Variants in CYP19A1 observed in about 807,000 individuals in gnomAD.
The protein encoded by CYP19A1 is cytochrome P450 family 19 subfamily A member 1.
Under a neutral mutation model 44.4 loss-of-function variants are expected in CYP19A1, and 32 were observed. The ratio of observed to expected loss-of-function variants is 0.72; its 90% CI spans 0.54 to 0.97. The LOEUF (loss-of-function observed/expected upper bound fraction) is 0.97, where lower values mean the gene tolerates loss of function less well. Among genes scored for constraint, CYP19A1 ranks in the 50% least tolerant of loss-of-function variants. The probability of loss-of-function intolerance (pLI) is 0.00; values close to 1 mark genes in which losing one functional copy is unlikely to be tolerated. For missense variants in CYP19A1, 598 were observed against 637.8 expected (o/e 0.94, Z 0.67); for synonymous variants, 212 against 215.6 (o/e 0.98, Z 0.14).
intron 1 of CYP19A1, among the ~76,000 whole-genome samples, chr15:51,326,715 A>T (rs773415483): frequency 2.0e-5 from 3 of 152,194 alleles, no homozygotes; most frequent in Non-Finnish European, 4.4e-5. Context: ...ACCTGGAAGA[A>T]ACCTTAATAT....
chr15:51,229,719 T>C (rs1013130401), intron 3 of CYP19A1, among the ~76,000 whole-genome samples: 1 of 152,144 alleles, frequency 6.6e-6, no homozygotes, highest in African/African-American at 2.4e-5. Flanking sequence ...TTTACTTACC[T>C]TCCCCTCCAT....
intron 1 of CYP19A1, among the ~76,000 whole-genome samples, chr15:51,261,503 G>C (rs1014153765): frequency 6.6e-6 from 1 of 152,140 alleles, no homozygotes; most frequent in African/African-American, 2.4e-5. Flanking sequence ...TAATGCTTTT[G>C]GTCAGTTAAT....
intron 2 of CYP19A1, among the ~76,000 whole-genome samples, chr15:51,239,858 T>TC (rs1454612482): frequency 1.3e-5 from 2 of 152,030 alleles, no homozygotes; most frequent in Non-Finnish European, 2.9e-5. Flanking sequence ...CATGCTTTTC[T>TC]CCCCCCTAGT....
intron 3 of CYP19A1, among the ~76,000 whole-genome samples, chr15:51,234,987 G>C (rs2033293551): frequency 6.6e-6 from 1 of 152,086 alleles, no homozygotes; most frequent in South Asian, 2.1e-4. Context: ...AGGTGATGGG[G>C]AAGGCAGACC....
At chr15:51,326,213 G>C (rs1441195219) in intron 1 of CYP19A1, among the ~76,000 whole-genome samples, 2 of 152,144 alleles carry the variant, frequency 1.3e-5, no homozygotes, top group Non-Finnish European at 2.9e-5. Flanking sequence ...AAACCAGATT[G>C]CCACAGAGTA....
At chr15:51,235,996 A>G (rs1246897239) in intron 3 of CYP19A1, among the ~76,000 whole-genome samples, 1 of 152,232 alleles carries the variant, frequency 6.6e-6, no homozygotes, top group Admixed American at 6.5e-5. Context: ...AAGATCAATA[A>G]ACAAGAAAAC....
rs573037570 is a variant in CYP19A1 at position 51,304,481 on chromosome 15, AT to A, written c.-39+34013del. Among the ~76,000 whole-genome samples the A allele has an allele frequency of 9.9e-4, 151 of 151,952 alleles. 2 individuals are homozygous for A. The highest frequency in any genetic ancestry group is 3.4e-3 in the African/African-American group (142 of 41,424). ...TTTCCAGAGATAAAACTCTCTCCCT[AT>A]TTTTTTCCAACCCAAGCCCACTCCC... is the stretch of plus-strand genomic sequence containing the variant. On this transcript the variant is annotated intron_variant, in intron 1 of 9. Transcript: ENST00000396402.
rs2289105 is a variant in CYP19A1, at chr15:51,215,311, T to C, written c.859-79A>G. ...AATGAGGGGAGGTGACACTCAAGGA[T>C]CAACAACCTCAACAAAATGAAATCA... On this transcript the variant is annotated intron_variant, in intron 7 of 9. Coordinates refer to ENST00000396402, the MANE Select transcript of CYP19A1 (RefSeq NM_000103.4). The C allele has an allele frequency of 0.5, 793,879 of 1,593,508 alleles. 202,918 individuals carry two copies. The highest frequency in any genetic ancestry group is 0.53 in the Non-Finnish European group (618,118 of 1,165,508).
At chr15:51,317,067 C>T (rs2036439505) in intron 1 of CYP19A1, among the ~76,000 whole-genome samples, 1 of 151,222 alleles carries the variant, frequency 6.6e-6, no homozygotes, top group African/African-American at 2.4e-5. Context: ...GGCTACCCTC[C>T]TTTTAGGATT....
At chr15:51,234,985 G>A (rs1459817867) in intron 3 of CYP19A1, among the ~76,000 whole-genome samples, 1 of 152,054 alleles carries the variant, frequency 6.6e-6, no homozygotes, top group East Asian at 1.9e-4. Flanking sequence ...AGAGGTGATG[G>A]GGAAGGCAGA....
intron 2 of CYP19A1, 132 bp from the exon 3 acceptor site, chr15:51,237,141 T>C (rs948728663): frequency 1.9e-6 from 2 of 1,040,450 alleles, no homozygotes; most frequent in African/African-American, 3.3e-5. Flanking sequence ...GAATCACGAA[T>C]AAAGTGATTT....
Position 51,208,376 on chromosome 15 carries a change from C to T in CYP19A1, c.*2432G>A, listed in dbSNP as rs2030587616. ...CAAAGATATAGAAGGGTACAATTGT[C>T]CTTACAATTTGATAATGATAGAGCC... On this transcript the variant is annotated 3_prime_UTR_variant, in exon 10 of 10. Coordinates refer to ENST00000396402, the MANE Select transcript of CYP19A1 (RefSeq NM_000103.4). 1 of 151,950 alleles carries T rather than the reference C, an allele frequency of 6.6e-6. No homozygotes were observed. The allele number at this position is 151,950 out of a possible 1,614,324, so 9.4% of individuals were successfully genotyped here. A position where few individuals can be genotyped will look rare whatever the true frequency, so the allele number is the denominator to read the frequency against.
intron 1 of CYP19A1, among the ~76,000 whole-genome samples, chr15:51,283,906 A>G (rs548048154): frequency 6.6e-4 from 101 of 152,346 alleles, no homozygotes; most frequent in Middle Eastern, 3.4e-3. Context: ...TTGCAGCACA[A>G]TTACCATCTC....
intron 1 of CYP19A1, chr15:51,293,472 A>G (rs372303065): frequency 6.6e-6 from 1 of 152,228 alleles, no homozygotes; most frequent in African/African-American, 2.4e-5. Flanking sequence ...CAAATCAGAC[A>G]CTGTTGCCAT....
intron 1 of CYP19A1, among the ~76,000 whole-genome samples, chr15:51,279,325 AG>A (rs2035434692): frequency 6.6e-6 from 1 of 152,178 alleles, no homozygotes; most frequent in South Asian, 2.1e-4. Context: ...AGGAGAGGCA[AG>A]GTGAGGCCTG....
chr15:51,313,238 T>C (rs1213921031), intron 1 of CYP19A1: 2 of 152,256 alleles, frequency 1.3e-5, no homozygotes, highest in Non-Finnish European at 2.9e-5. Flanking sequence ...TGCAAGGGAA[T>C]AGGCCTTCTC....
intron 1 of CYP19A1, among the ~76,000 whole-genome samples, chr15:51,287,543 G>A (rs926084936): frequency 7.2e-5 from 11 of 152,166 alleles, no homozygotes; most frequent in Admixed American, 5.2e-4. Flanking sequence ...CATTGGTATC[G>A]CTGCTGTGCA....
rs28703085 is a variant in CYP19A1, at chr15:51,282,137, C to T, written c.-38-39187G>A. Among the ~76,000 whole-genome samples the T allele has an allele frequency of 8.2e-3, 1,249 of 152,280 alleles. 16 individuals are homozygous for T. The highest frequency in any genetic ancestry group is 0.029 in the African/African-American group (1,190 of 41,542). ...GAGGCTGGAGTAAAGGAGCAGCAGACCTCCAGACACATGATGATAGTTACC... is the reference window on the plus strand; with the variant it reads ...GAGGCTGGAGTAAAGGAGCAGCAGATCTCCAGACACATGATGATAGTTACC... On this transcript the variant is annotated intron_variant, in intron 1 of 9. Transcript: ENST00000396402.
In CYP19A1 at chr15:51,209,943, T is replaced by G. The variant is rs2030768029; in HGVS notation, c.*865A>C. The stretch of plus-strand genomic sequence containing the variant: ...ACAGTTATCTCTTGGTTAGCCACAC[T>G]AATTGAGCTAAGCAAAAATGGGAAC... On this transcript the variant is annotated 3_prime_UTR_variant, in exon 10 of 10. Coordinates refer to ENST00000396402, the MANE Select transcript of CYP19A1 (RefSeq NM_000103.4). 5.3e-6 allele frequency: 1 copy of G among 189,402 alleles called. No homozygotes were observed. The highest frequency in any genetic ancestry group is 1.1e-5 in the Non-Finnish European group (1 of 92,134). The allele number at this position is 189,402 out of a possible 1,614,324, so 11.7% of individuals were successfully genotyped here.
Sources: allele counts gnomAD v4.1 joint callset (sites outside exome capture counted in the v4.1 genomes callset), GRCh38; gene constraint gnomAD v4.1.1; transcripts MANE v1.5; gene names NCBI Gene and HGNC (gene_info 2026-07-23, HGNC 2026-07-21).